LDLRAD3: variants seen among roughly 807,000 people sequenced by gnomAD.
LDLRAD3 encodes the protein low density lipoprotein receptor class A domain containing 3, also known as low-density lipoprotein receptor class A domain-containing protein 3.
LDLRAD3 carries 20 observed loss-of-function variants against 29.4 expected under a neutral mutation model. The ratio of observed to expected loss-of-function variants is 0.68; its 90% CI spans 0.48 to 0.99. The LOEUF is 0.99. LDLRAD3 is among the 50% of genes least tolerant of loss of function. The pLI is 0.00. For synonymous variants in LDLRAD3, 157 were observed against 192.7 expected (o/e 0.81, Z 1.53); for missense variants, 420 against 454.3 (o/e 0.92, Z 0.69).
rs936117660 is a variant in LDLRAD3, at chr11:36,183,980, T to C, written c.455-43105T>C. 2.0e-3 allele frequency: 608 copies of C among 311,306 alleles called. 5 individuals carry two copies. The highest frequency in any genetic ancestry group is 3.8e-3 in the African/African-American group (159 of 42,252). The allele number at this position is 311,306 out of a possible 1,614,324, so 19.3% of individuals were successfully genotyped here. A position where few individuals can be genotyped will look rare whatever the true frequency, so the allele number is the denominator to read the frequency against. On this transcript the variant is annotated intron_variant, in intron 4 of 5. Transcript: ENST00000315571. Reference sequence around the variant, plus strand: ...TATTTCATCTTTTTTTTTTTTTTTTTCCCGAGATGGAGTTTCGCTCTTGTT... The same window carrying C: ...TATTTCATCTTTTTTTTTTTTTTTTCCCCGAGATGGAGTTTCGCTCTTGTT...
intron 3 of LDLRAD3, among the ~76,000 whole-genome samples, chr11:36,096,050 G>T (rs187482366): frequency 6.6e-6 from 1 of 151,870 alleles, no homozygotes. Flanking sequence ...GGCCCACAGC[G>T]ATGTCAATAA....
intron 3 of LDLRAD3, among the ~76,000 whole-genome samples, chr11:36,093,228 G>C (rs901224659): frequency 3.3e-5 from 5 of 152,142 alleles, no homozygotes; most frequent in Non-Finnish European, 2.9e-5. Context: ...AAAAGGAAAA[G>C]TAAAGTAAAA....
chr11:36,119,349 T>A (rs1229869222), intron 4 of LDLRAD3, among the ~76,000 whole-genome samples: 1 of 152,210 alleles, frequency 6.6e-6, no homozygotes, highest in African/African-American at 2.4e-5. Flanking sequence ...ATTGTTGGGT[T>A]ATGTGGGAAC....
intron 1 of LDLRAD3, among the ~76,000 whole-genome samples, chr11:35,977,381 T>A (rs1285005713): frequency 2.0e-5 from 3 of 152,298 alleles, no homozygotes; most frequent in Middle Eastern, 3.4e-3. Context: ...CTGGAGAATG[T>A]GCTTAAGTAA....
At chr11:36,182,473 C>G (rs141690253) in intron 4 of LDLRAD3, among the ~76,000 whole-genome samples, 147 of 152,252 alleles carry the variant, frequency 9.7e-4, no homozygotes, top group African/African-American at 3.1e-3. Flanking sequence ...AGAATTCGGT[C>G]CTCTTGGCTC....
At chr11:36,055,591 G>C (rs188652111) in intron 2 of LDLRAD3, among the ~76,000 whole-genome samples, 1 of 152,334 alleles carries the variant, frequency 6.6e-6, no homozygotes, top group African/African-American at 2.4e-5. Flanking sequence ...GGCCCAGAAG[G>C]GCCAGTCTTC....
intron 4 of LDLRAD3, chr11:36,184,119 C>T (rs1033363882): frequency 5.3e-5 from 11 of 206,672 alleles, no homozygotes; most frequent in African/African-American, 2.6e-4. Context: ...GCATGCGCTA[C>T]CACACCCAGC....
chr11:36,095,316 C>T (rs1004637457), intron 3 of LDLRAD3, among the ~76,000 whole-genome samples: 1 of 152,222 alleles, frequency 6.6e-6, no homozygotes, highest in African/African-American at 2.4e-5. Flanking sequence ...TTTGCACCCC[C>T]ACTTGTAACT....
rs537448100 is a variant in LDLRAD3, at chr11:36,176,200, G to T, written c.455-50885G>T. Among the ~76,000 whole-genome samples, 7 of 152,186 alleles carry T rather than the reference G, an allele frequency of 4.6e-5. No individual in the cohort carries two copies. The East Asian group carries it at 1.4e-3, about 29-fold the overall frequency. On this transcript the variant is annotated intron_variant, in intron 4 of 5. Transcript: ENST00000315571. ...GTTTATGTGAGTCCTTATGTGTTAG[G>T]TGAGTCTCTTGAAGACAGCAGATAC... is the stretch of plus-strand genomic sequence containing the variant.
chr11:36,094,198 A>G (rs1286620162), intron 3 of LDLRAD3, among the ~76,000 whole-genome samples: 6 of 152,044 alleles, frequency 3.9e-5, no homozygotes, highest in Non-Finnish European at 5.9e-5. Flanking sequence ...CTCCCTCACT[A>G]TTGTATTTGT....
intron 1 of LDLRAD3, among the ~76,000 whole-genome samples, chr11:35,948,693 G>T (rs1186358082): frequency 6.6e-6 from 1 of 152,068 alleles, no homozygotes; most frequent in Admixed American, 6.6e-5. Context: ...TCGGGGGAGA[G>T]CAAAAGTTTA....
rs188656047 is a variant in LDLRAD3, at chr11:35,998,721, G to A, written c.47-37382G>A. The stretch of plus-strand genomic sequence containing the variant: ...ATGGCTCCAGGAATCCTCTGGATTC[G>A]GAGTAGTAATAGTAATAGCACTTTA... On this transcript the variant is annotated intron_variant, in intron 1 of 5. Transcript: ENST00000315571. 3.3e-5 allele frequency among the ~76,000 whole-genome samples: 5 copies of A among 152,272 alleles called. No homozygotes were observed. In the East Asian group the frequency reaches 5.8e-4, roughly 18 times the overall value.
At chr11:36,196,089 G>C (rs183699598) in intron 4 of LDLRAD3, among the ~76,000 whole-genome samples, 2 of 151,668 alleles carry the variant, frequency 1.3e-5, no homozygotes. Flanking sequence ...CTGACAGACT[G>C]CTGCTCTATT....
intron 1 of LDLRAD3, among the ~76,000 whole-genome samples, chr11:36,034,432 A>G (rs976828974): frequency 6.6e-6 from 1 of 152,128 alleles, no homozygotes; most frequent in African/African-American, 2.4e-5. Context: ...TGAGGAGGGG[A>G]CAAGGGAGAT....
intron 1 of LDLRAD3, among the ~76,000 whole-genome samples, chr11:35,990,209 C>A (rs1851670528): frequency 6.6e-6 from 1 of 152,164 alleles, no homozygotes; most frequent in Non-Finnish European, 1.5e-5. Flanking sequence ...GCTGTTGTAA[C>A]AAATTCTTAC....
chr11:36,064,777 G>A (rs1041020692), intron 2 of LDLRAD3, among the ~76,000 whole-genome samples: 1 of 151,866 alleles, frequency 6.6e-6, no homozygotes, highest in Non-Finnish European at 1.5e-5. Context: ...TTGATCTTCC[G>A]ACCCATTGGT....
At chr11:36,124,246 T>C (rs996168356) in intron 4 of LDLRAD3, among the ~76,000 whole-genome samples, 1 of 152,192 alleles carries the variant, frequency 6.6e-6, no homozygotes, top group Non-Finnish European at 1.5e-5. Context: ...TCAGTCTCAC[T>C]TCCCCTACTA....
chr11:35,973,736 G>T (rs980646916), intron 1 of LDLRAD3, among the ~76,000 whole-genome samples: 13 of 152,074 alleles, frequency 8.5e-5, no homozygotes, highest in African/African-American at 2.4e-4. Context: ...TTCCCAGAAT[G>T]CTGGGATTAC....
In LDLRAD3 at chr11:36,196,097, A is replaced by G. The variant is rs541259923; in HGVS notation, c.455-30988A>G. ...TTAAATCCTGACAGACTGCTGCTCTATTTCACAGCTGCCTAGTAGCTGGGT... is the reference window on the plus strand; with the variant it reads ...TTAAATCCTGACAGACTGCTGCTCTGTTTCACAGCTGCCTAGTAGCTGGGT... On this transcript the variant is annotated intron_variant, in intron 4 of 5. Transcript: ENST00000315571. Among the ~76,000 whole-genome samples the G allele has an allele frequency of 9.9e-5, 15 of 151,680 alleles. No homozygotes were observed. The South Asian group carries it at 3.1e-3, about 32-fold the overall frequency.
Sources: gnomAD v4.1 joint callset for allele counts (sites outside exome capture counted in the v4.1 genomes callset) on GRCh38, gnomAD v4.1.1 for gene constraint, MANE v1.5 for transcripts, NCBI Gene and HGNC (gene_info 2026-07-23, HGNC 2026-07-21) for gene names.